The following QTRT2 variants were observed in gnomAD, a reference collection of about 807,000 sequenced individuals.
QTRT2 encodes the protein queuine tRNA-ribosyltransferase domain containing 1.
In QTRT2, 32 loss-of-function variants were observed where a neutral mutation model predicts 44.8. The ratio of observed to expected loss-of-function variants is 0.71; its 90% CI spans 0.54 to 0.96. The LOEUF (loss-of-function observed/expected upper bound fraction) is 0.96. QTRT2 is among the 40% of genes least tolerant of loss of function. The probability of loss-of-function intolerance (pLI) is 0.00; values close to 1 mark genes in which losing one functional copy is unlikely to be tolerated. For synonymous variants in QTRT2, 182 were observed against 187.4 expected (o/e 0.97, Z 0.24); for missense variants, 461 against 503.1 (o/e 0.92, Z 0.80).
intron 6 of QTRT2, among the ~76,000 whole-genome samples, chr3:114,075,960 T>G (rs1577537032): frequency 1.3e-5 from 2 of 152,212 alleles, no homozygotes; most frequent in Admixed American, 6.5e-5. Context: ...TTGAATTTGT[T>G]TTTAAAATGG....
At chr3:114,065,523 A>G in intron 3 of QTRT2, 66 bp downstream of exon 3, 1 of 1,207,328 alleles carries the variant, frequency 8.3e-7, no homozygotes, top group Non-Finnish European at 1.2e-6. Flanking sequence ...TAGGTGCAAA[A>G]AAGAGAAATA....
In QTRT2 at chr3:114,086,750, G is replaced by C. The variant is rs780687027; in HGVS notation, c.*846G>C. 1 of 152,288 alleles carries C rather than the reference G, an allele frequency of 6.6e-6. No individual in the cohort carries two copies. The highest frequency in any genetic ancestry group is 1.5e-5 in the Non-Finnish European group (1 of 68,082). The allele number at this position is 152,288 out of a possible 1,614,324, so 9.4% of individuals were successfully genotyped here. ...CCCTGCCTGGCCTAACGATTAGAGG[G>C]TTAGTCTCCATCCTGCTCAGATATG... On this transcript the variant is annotated 3_prime_UTR_variant, in exon 10 of 10. Transcript: ENST00000281273.
intron 6 of QTRT2, among the ~76,000 whole-genome samples, chr3:114,075,479 A>G (rs1333733671): frequency 6.8e-6 from 1 of 146,242 alleles, no homozygotes; most frequent in African/African-American, 2.5e-5. Flanking sequence ...TGTTAATGGT[A>G]TACTTTAGTA....
chr3:114,058,894 C>T (rs1458345575), intron 2 of QTRT2, among the ~76,000 whole-genome samples: 1 of 152,192 alleles, frequency 6.6e-6, no homozygotes, highest in Non-Finnish European at 1.5e-5. Flanking sequence ...TTTAAAAGTC[C>T]TTCAGTCATT....
intron 8 of QTRT2, among the ~76,000 whole-genome samples, chr3:114,080,408 G>GT (rs1353871286): frequency 6.6e-6 from 1 of 152,088 alleles, no homozygotes; most frequent in Non-Finnish European, 1.5e-5. Flanking sequence ...TCACAAAAGA[G>GT]TTTTTGTCTT....
At chr3:114,060,271 TC>T (rs1408705563) in intron 2 of QTRT2, among the ~76,000 whole-genome samples, 1 of 152,170 alleles carries the variant, frequency 6.6e-6, no homozygotes, top group Admixed American at 6.5e-5. Context: ...AACTAAGAAG[TC>T]TTTGAGAGAA....
At chr3:114,084,961 A>G (rs1485642085) in intron 9 of QTRT2, among the ~76,000 whole-genome samples, 1 of 152,224 alleles carries the variant, frequency 6.6e-6, no homozygotes, top group Non-Finnish European at 1.5e-5. Context: ...GTAGAAGTCT[A>G]CCATGTCTTT....
intron 2 of QTRT2, among the ~76,000 whole-genome samples, chr3:114,064,723 T>C (rs1235973412): frequency 6.6e-6 from 1 of 152,228 alleles, no homozygotes; most frequent in Non-Finnish European, 1.5e-5. Context: ...TTGACATTTA[T>C]TTTTCCATAT....
At chr3:114,064,796 A>G (rs897954737) in intron 2 of QTRT2, among the ~76,000 whole-genome samples, 5 of 152,182 alleles carry the variant, frequency 3.3e-5, no homozygotes, top group African/African-American at 7.2e-5. Context: ...AAAAATTGCT[A>G]TATTGCTTAG....
At position 114,072,342 on chromosome 3, in the gene QTRT2, G is replaced by T. The variant is rs147419420; in HGVS notation, c.546+1504G>T. On this transcript the variant is annotated intron_variant, in intron 6 of 9. Coordinates refer to ENST00000281273, the MANE Select transcript of QTRT2 (RefSeq NM_024638.4). The stretch of plus-strand genomic sequence containing the variant: ...TAATTTTTGTATTTTTAGCTGAGAC[G>T]AGGTTTCACGATGTTGGTCAGACTG... Among the ~76,000 whole-genome samples, 278 of 152,174 alleles carry T rather than the reference G, an allele frequency of 1.8e-3. 2 individuals carry two copies. The highest frequency in any genetic ancestry group is 6.4e-3 in the African/African-American group (267 of 41,508).
chr3:114,063,231 G>C (rs1355367360), intron 2 of QTRT2, among the ~76,000 whole-genome samples: 1 of 152,092 alleles, frequency 6.6e-6, no homozygotes, highest in Non-Finnish European at 1.5e-5. Flanking sequence ...GCTTCCCCCT[G>C]CTTCAATTCT....
rs2077203417 is a variant in QTRT2 at position 114,084,079 on chromosome 3, G to GGT, written c.1016+1286_1016+1287insTG. 6.2e-5 allele frequency among the ~76,000 whole-genome samples: 8 copies of GGT among 129,856 alleles called. No individual in the cohort carries two copies. In the South Asian group the frequency reaches 1.6e-3, roughly 27 times the overall value. The allele number at this position is 129,856 out of a possible 152,430, so 85.2% of individuals were successfully genotyped here. The stretch of plus-strand genomic sequence containing the variant: ...TTTTTTCTTTTTTTTTTTTTTTTGT[G>GGT]GGGGGCAGAGTGTAGCTCTGTTGCC... On this transcript the variant is annotated intron_variant, in intron 9 of 9. Coordinates refer to ENST00000281273, the MANE Select transcript of QTRT2 (RefSeq NM_024638.4).
chr3:114,082,197 A>G (rs1220293691), intron 8 of QTRT2, among the ~76,000 whole-genome samples: 2 of 133,440 alleles, frequency 1.5e-5, no homozygotes, highest in Non-Finnish European at 3.1e-5. Flanking sequence ...GGATAGTGAT[A>G]ACCCCACCAC....
At chr3:114,067,675 TTAAG>T (rs1209844725) in intron 4 of QTRT2, among the ~76,000 whole-genome samples, 1 of 152,210 alleles carries the variant, frequency 6.6e-6, no homozygotes, top group African/African-American at 2.4e-5. Context: ...AGTAAATTCT[TTAAG>T]TAAAGTCAAA....
Position 114,080,490 on chromosome 3 carries a change from A to AT in QTRT2, c.898+443dup, listed in dbSNP as rs199501500. On this transcript the variant is annotated intron_variant, in intron 8 of 9. Coordinates refer to ENST00000281273, the MANE Select transcript of QTRT2 (RefSeq NM_024638.4). ...CTCTGATCCTAGTGTTACTTCTTGC[A>AT]TTTTTTTTTTAATACACCAGGCTTT... 2.7e-3 allele frequency among the ~76,000 whole-genome samples: 400 copies of AT among 147,844 alleles called. 4 individuals are homozygous for AT. Among genetic ancestry groups the AT allele is most frequent in the East Asian group, 0.016 (82 of 5,066 alleles).
In QTRT2 at chr3:114,063,703, G is replaced by C. The variant is rs187333148; in HGVS notation, c.-21-1534G>C. Among the ~76,000 whole-genome samples the C allele has an allele frequency of 4.6e-3, 697 of 151,982 alleles. 7 individuals carry two copies. The highest frequency in any genetic ancestry group is 0.016 in the African/African-American group (665 of 41,472). On this transcript the variant is annotated intron_variant, in intron 2 of 9. Coordinates refer to ENST00000281273, the MANE Select transcript of QTRT2 (RefSeq NM_024638.4). ...AATCTCTTCTTAGACCATATAGAAA[G>C]TAGTTATTCTTTTTTTTTAAGAAAG...
rs368330216 is a variant in QTRT2 at position 114,085,396 on chromosome 3, C to T, written c.1017-277C>T. On this transcript the variant is annotated intron_variant, in intron 9 of 9. Transcript: ENST00000281273. ...CTAATTTTTGTATTTTTAGTACAGA[C>T]GGGGTTTCGCCATATTGGCCAGGCT... Among the ~76,000 whole-genome samples the T allele has an allele frequency of 5.9e-5, 9 of 152,180 alleles. No homozygotes were observed. The East Asian group carries it at 9.7e-4, about 16-fold the overall frequency.
rs546709221 is a variant in QTRT2, at chr3:114,063,010, C to T, written c.-21-2227C>T. On this transcript the variant is annotated intron_variant, in intron 2 of 9. Transcript: ENST00000281273. ...TCTCTAGCCCTTTCTGAAATAGCTT[C>T]GGGCAACACAGTTTCTTCCGTTCTC... Among the ~76,000 whole-genome samples the T allele has an allele frequency of 1.9e-4, 29 of 152,254 alleles. No homozygotes were observed. The South Asian group carries it at 4.6e-3, about 24-fold the overall frequency.
chr3:114,073,579 CTG>C lies in QTRT2; in HGVS notation c.546+2745_546+2746del, dbSNP rs747171818. Reference sequence around the variant, plus strand: ...ATTTTTTGGTAGAGATGGGGTTTCACTGTGTTGGCCAGGCTGGTCTTGAACCC... The same window carrying C: ...ATTTTTTGGTAGAGATGGGGTTTCACTGTTGGCCAGGCTGGTCTTGAACCC... On this transcript the variant is annotated intron_variant, in intron 6 of 9. Transcript: ENST00000281273. Among the ~76,000 whole-genome samples the C allele has an allele frequency of 2.0e-4, 30 of 152,228 alleles. No homozygotes were observed. In the East Asian group the frequency reaches 2.3e-3, roughly 12 times the overall value.
Sources: allele counts gnomAD v4.1 joint callset (sites outside exome capture counted in the v4.1 genomes callset), GRCh38; gene constraint gnomAD v4.1.1; transcripts MANE v1.5; gene names NCBI Gene and HGNC (gene_info 2026-07-23, HGNC 2026-07-21).